Variants in BSG observed in about 807,000 individuals in gnomAD.
The protein encoded by BSG is basigin (Ok blood group), also known as basigin.
A neutral mutation model predicts 43.1 loss-of-function variants in BSG; 37 were observed. The observed-to-expected ratio is 0.86, with a 90% CI of 0.66 to 1.13. The LOEUF (loss-of-function observed/expected upper bound fraction) is 1.13, where lower values mean the gene tolerates loss of function less well. BSG is among the 50% of genes most tolerant of loss of function. The probability of loss-of-function intolerance (pLI) is 0.00; values close to 1 mark genes in which losing one functional copy is unlikely to be tolerated. For missense variants in BSG, 599 were observed against 554.2 expected, an observed-to-expected ratio of 1.08 and a Z score of -0.81; for synonymous variants, 309 against 238.7, an observed-to-expected ratio of 1.29 and a Z score of -2.72.
Position 580,364 on chromosome 19 carries a change from C to T in BSG, c.573-15C>T, listed in dbSNP as rs1982176960. 1 of 1,609,388 alleles carries T rather than the reference C, an allele frequency of 6.2e-7. No individual in the cohort carries two copies. On this transcript the variant is annotated splice_polypyrimidine_tract_variant and intron_variant, in intron 3 of 8. Coordinates refer to ENST00000333511, the MANE Select transcript of BSG (RefSeq NM_001728.4). ...CAGAGCTGGTACGCGGCTCACCTGC[C>T]TGCTGTGGTTGCAGGGTGGACTCCG...
chr19:581,553 T>C lies in BSG; in HGVS notation c.1031T>C (p.Ile344Thr), dbSNP rs772377309. The C allele has an allele frequency of 6.2e-7, 1 of 1,600,074 alleles. No individual in the cohort carries two copies. The highest frequency in any genetic ancestry group is 8.5e-7 in the Non-Finnish European group (1 of 1,174,678). The change falls in exon 6 of 9, where the codon ATC (isoleucine) becomes ACC (threonine). Residue 344 changes from isoleucine (I) to threonine (T), a missense_variant. Transcript: ENST00000333511. ...EVLVLVTIIF[I>T]YEKRRKPEDV... The stretch of plus-strand genomic sequence containing the variant: ...CTGGTGCTGGTCACCATCATCTTCA[T>C]CTACGAGAAGCGCCGGAAGCCCGAG...
At chr19:572,044 G>A (rs576253636), upstream of BSG, 1 of 155,584 alleles carries the variant, frequency 6.4e-6, no homozygotes, top group Non-Finnish European at 1.4e-5. Flanking sequence ...TTTTATTTGG[G>A]CGGAGGAGGT....
At position 578,161 on chromosome 19, in the gene BSG, C is replaced by T. The variant is rs779778100; in HGVS notation, c.415+40C>T. The stretch of plus-strand genomic sequence containing the variant: ...CCTCCCTCCCCGCCTCCCTCAGTTT[C>T]CCTCCTGTGCCGCTCGCCTCCCGGC... On this transcript the variant is annotated intron_variant, in intron 2 of 8. Transcript: ENST00000333511. The T allele has an allele frequency of 3.4e-6, 5 of 1,472,626 alleles. No homozygotes were observed. The African/African-American group carries it at 7.0e-5, about 21-fold the overall frequency. 91.2% of individuals were successfully genotyped at this position (1,472,626 alleles called of 1,614,324 possible). A position where few individuals can be genotyped will look rare whatever the true frequency, so the allele number is the denominator to read the frequency against.
At chr19:581,198 T>TCCGGACTG in intron 5 of BSG, 117 bp from the exon 6 acceptor site, 1 of 712,994 alleles carries the variant, frequency 1.4e-6, no homozygotes, top group African/African-American at 5.2e-5. Context: ...GGTCCCGGAC[T>TCCGGACTG]CAGCCCTCCG....
upstream of BSG, chr19:571,739 G>C: frequency 1.5e-6 from 1 of 672,908 alleles, no homozygotes; most frequent in South Asian, 1.6e-5. Flanking sequence ...AATCTCCAGA[G>C]CACACGGGAC....
At chr19:576,107 C>T (rs927422166) in intron 1 of BSG, among the ~76,000 whole-genome samples, 5 of 152,236 alleles carry the variant, frequency 3.3e-5, no homozygotes, top group African/African-American at 1.2e-4. Flanking sequence ...GTGCAGATGG[C>T]GCCTGGGAGC....
intron 1 of BSG, among the ~76,000 whole-genome samples, chr19:577,545 T>A (rs1981880547): frequency 6.6e-6 from 1 of 152,194 alleles, no homozygotes; most frequent in African/African-American, 2.4e-5. Flanking sequence ...CCCACAGTTG[T>A]GCCCTCAGAA....
intron 4 of BSG, 90 bp downstream of exon 4, chr19:580,551 C>T (rs1246956083): frequency 1.9e-6 from 3 of 1,603,688 alleles, no homozygotes; most frequent in African/African-American, 1.3e-5. Flanking sequence ...GAGCCCTGGC[C>T]CCCTGCTCCC....
chr19:582,541 C>CA lies in BSG; in HGVS notation c.1125dup (p.Gly376ArgfsTer77). The CA allele has an allele frequency of 6.2e-7, 1 of 1,604,342 alleles. No homozygotes were observed. Among genetic ancestry groups the CA allele is most frequent in the Non-Finnish European group, 8.5e-7 (1 of 1,178,128 alleles). ...AGAGCAGCGGGCAGCACCAGAATGA[C>CA]AAAGGCAAGAACGTCCGCCAGAGGA... On this transcript the variant is annotated frameshift_variant, in exon 8 of 9. Coordinates refer to ENST00000333511, the MANE Select transcript of BSG (RefSeq NM_001728.4). LOFTEE classifies it high-confidence loss of function.
At chr19:582,188 CT>C in intron 6 of BSG, 117 bp from the exon 7 acceptor site, 4 of 1,422,452 alleles carry the variant, frequency 2.8e-6, no homozygotes, top group Middle Eastern at 1.8e-4. Context: ...CGAGCCACCC[CT>C]GGGGGTCACT....
At chr19:582,694 C>T in intron 8 of BSG, 56 bp from the exon 9 acceptor site, 1 of 1,191,866 alleles carries the variant, frequency 8.4e-7, no homozygotes, top group South Asian at 1.5e-5. Flanking sequence ...CTCCTGGGTC[C>T]CGCCTGTGGG....
At chr19:579,400 C>G in intron 2 of BSG, 100 bp from the exon 3 acceptor site, 3 of 1,517,300 alleles carry the variant, frequency 2.0e-6, no homozygotes, top group Non-Finnish European at 1.8e-6. Context: ...GGATGAAAAC[C>G]AGTCCTTCCC....
chr19:572,680 AC>A lies in BSG; in HGVS notation c.49del (p.His17ThrfsTer103). On this transcript the variant is annotated frameshift_variant, in exon 1 of 9. Transcript: ENST00000333511. LOFTEE classifies it high-confidence loss of function. ...GCTGCTGGGATTCGCGCTGCTGGGC[AC>A]CCACGGAGCCTCCGGGGCTGGTGAG... ...FVLLGFALLG[T>X]HGASGAAGFV... The A allele has an allele frequency of 6.7e-7, 1 of 1,496,386 alleles. No homozygotes were observed. Among genetic ancestry groups the A allele is most frequent in the Non-Finnish European group, 8.9e-7 (1 of 1,119,568 alleles). The allele number at this position is 1,496,386 out of a possible 1,614,324, so 92.7% of individuals were successfully genotyped here.
rs201497117 is a variant in BSG at position 581,359 on chromosome 19, G to A, written c.837G>A (p.Ser279=). 103 of 1,612,736 alleles carry A rather than the reference G, an allele frequency of 6.4e-5. No homozygotes were observed. The highest frequency in any genetic ancestry group is 3.3e-4 in the East Asian group (15 of 44,876). The part of the protein sequence containing the change: ...GSESRFFVSS[S]QGRSELHIEN... ...AGAGCAGGTTCTTCGTGAGTTCCTC[G>A]CAGGGCCGGTCAGAGCTACACATTG... Residue 279 remains serine, a synonymous_variant, in exon 6 of 9, where the codon TCG becomes TCA. Transcript: ENST00000333511.
chr19:572,672 T>G lies in BSG; in HGVS notation c.38T>G (p.Leu13Arg). 1 of 1,501,112 alleles carries G rather than the reference T, an allele frequency of 6.7e-7. No homozygotes were observed. Among genetic ancestry groups the G allele is most frequent in the Non-Finnish European group, 8.9e-7 (1 of 1,122,648 alleles). 93.0% of individuals were successfully genotyped at this position (1,501,112 alleles called of 1,614,324 possible). ...AALFVLLGFA[L>R]LGTHGASGAA... ...CTGTTCGTGCTGCTGGGATTCGCGC[T>G]GCTGGGCACCCACGGAGCCTCCGGG... The change falls in exon 1 of 9, where the codon CTG becomes CGG. Residue 13 changes from leucine (L) to arginine (R), a missense_variant. By Grantham distance (102) the Leu-to-Arg change is moderately radical. Coordinates refer to ENST00000333511, the MANE Select transcript of BSG (RefSeq NM_001728.4).
chr19:578,212 T>G (rs1981955851), intron 2 of BSG, 91 bp downstream of exon 2: 3 of 1,239,150 alleles, frequency 2.4e-6, no homozygotes, highest in East Asian at 2.7e-5. Flanking sequence ...CCCAGACGCC[T>G]CCTCCCCTCT....
At chr19:578,516 C>T (rs923719305) in intron 2 of BSG, among the ~76,000 whole-genome samples, 1 of 152,276 alleles carries the variant, frequency 6.6e-6, no homozygotes, top group Admixed American at 6.5e-5. Flanking sequence ...GTGTCCTTCG[C>T]AGCATCTCGT....
chr19:577,063 C>A (rs1376608098), intron 1 of BSG, among the ~76,000 whole-genome samples: 4 of 152,158 alleles, frequency 2.6e-5, no homozygotes, highest in Non-Finnish European at 5.9e-5. Flanking sequence ...ACTCCCCACG[C>A]TTCCCCTTGG....
intron 1 of BSG, among the ~76,000 whole-genome samples, chr19:572,927 C>A (rs1981400944): frequency 6.7e-6 from 1 of 148,460 alleles, no homozygotes; most frequent in Non-Finnish European, 1.5e-5. Context: ...CGGGCTCCCC[C>A]GGGCGCTCCG....
Sources: allele counts gnomAD v4.1 joint callset (sites outside exome capture counted in the v4.1 genomes callset), GRCh38; gene constraint gnomAD v4.1.1; transcripts MANE v1.5; gene names NCBI Gene and HGNC (gene_info 2026-07-23, HGNC 2026-07-21).